Variants in ACCSL observed in about 807,000 individuals in gnomAD.
ACCSL encodes 1-aminocyclopropane-1-carboxylate synthase homolog (inactive) like, also known as probable inactive 1-aminocyclopropane-1-carboxylate synthase-like protein 2.
In ACCSL, 55 loss-of-function variants were observed where a neutral mutation model predicts 61.7. That is an observed-to-expected ratio of 0.89 (90% confidence interval 0.72 to 1.12). The LOEUF is 1.12. ACCSL is among the 50% of genes most tolerant of loss of function. The pLI is 0.00. For synonymous variants in ACCSL, 258 were observed against 264.3 expected (o/e 0.98, Z 0.23); for missense variants, 632 against 698.0 (o/e 0.91, Z 1.07).
At chr11:43,953,541 G>T in the ACCSL span, among the ~76,000 whole-genome samples, 3 of 144,780 alleles carry the variant, frequency 2.1e-5, no homozygotes, top group Admixed American at 7.1e-5. Context: ...AAAAAAAAAA[G>T]GATGAGGTAA....
the ACCSL span, among the ~76,000 whole-genome samples, chr11:43,963,003 G>A: frequency 6.6e-6 from 1 of 152,142 alleles, no homozygotes; most frequent in Non-Finnish European, 1.5e-5. Flanking sequence ...TCTTCTGATC[G>A]GGGGTATCTA....
the ACCSL span, among the ~76,000 whole-genome samples, chr11:43,958,435 C>T: frequency 6.6e-6 from 1 of 152,156 alleles, no homozygotes; most frequent in Non-Finnish European, 1.5e-5. Flanking sequence ...ATTCACTGGC[C>T]CCCTACCCAC....
At chr11:43,980,663 C>T in the ACCSL span, among the ~76,000 whole-genome samples, 7 of 152,100 alleles carry the variant, frequency 4.6e-5, no homozygotes, top group Non-Finnish European at 4.4e-5. Flanking sequence ...AATAATAATG[C>T]TTTGCTTGTC....
the ACCSL span, among the ~76,000 whole-genome samples, chr11:43,973,410 A>ATATCTATCTATC: frequency 6.7e-6 from 1 of 148,938 alleles, no homozygotes; most frequent in South Asian, 2.2e-4. Flanking sequence ...TGGTTTTGAG[A>ATATCTATCTATC]TATCTATCTA....
the ACCSL span, among the ~76,000 whole-genome samples, chr11:43,991,125 G>T: frequency 6.6e-6 from 1 of 152,124 alleles, no homozygotes. Flanking sequence ...GAGTCAGAGA[G>T]ATTCATTCAT....
Position 44,052,991 on chromosome 11 carries a change from G to A in ACCSL, c.871G>A (p.Val291Ile), listed in dbSNP as rs898417809. The change falls in exon 7 of 14, where the codon GTC (valine) becomes ATC (isoleucine). Residue 291 changes from valine (V) to isoleucine (I), a missense_variant and splice_region_variant. Coordinates refer to ENST00000378832, the MANE Select transcript of ACCSL (RefSeq NM_001031854.2). ...ELIPVHLESEVTVTNTHPFQL... is the reference protein window; with the variant it reads ...ELIPVHLESEITVTNTHPFQL... ...TTCTCACATAGTGTTTCTCTTCCAG[G>A]TCACTGTTACAAACACCCATCCTTT... 4 of 1,613,610 alleles carry A rather than the reference G, an allele frequency of 2.5e-6. No individual in the cohort carries two copies. Among genetic ancestry groups the A allele is most frequent in the Non-Finnish European group, 3.4e-6 (4 of 1,179,542 alleles).
chr11:43,930,942 A>G, the ACCSL span, among the ~76,000 whole-genome samples: 1 of 152,144 alleles, frequency 6.6e-6, no homozygotes, highest in Non-Finnish European at 1.5e-5. Context: ...AATGCTGACC[A>G]TGGCCCCCAA....
the ACCSL span, among the ~76,000 whole-genome samples, chr11:43,939,760 C>T: frequency 6.6e-6 from 1 of 152,200 alleles, no homozygotes; most frequent in Non-Finnish European, 1.5e-5. Flanking sequence ...GCACCTGCCA[C>T]CACACCTGGC....
the ACCSL span, among the ~76,000 whole-genome samples, chr11:43,947,404 C>T: frequency 2.0e-5 from 3 of 152,132 alleles, no homozygotes; most frequent in African/African-American, 4.8e-5. Context: ...TATGCAACGG[C>T]GGGGGCTCAG....
At chr11:44,032,852 G>C in the ACCSL span, among the ~76,000 whole-genome samples, 1 of 152,152 alleles carries the variant, frequency 6.6e-6, no homozygotes, top group South Asian at 2.1e-4. Context: ...AATGTGGTAT[G>C]ACTGGGAGGA....
chr11:44,033,096 G>A, the ACCSL span, among the ~76,000 whole-genome samples: 2 of 152,200 alleles, frequency 1.3e-5, no homozygotes, highest in Non-Finnish European at 2.9e-5. Context: ...AAATGGTCAG[G>A]TGGACGAACA....
chr11:44,029,072 C>T, the ACCSL span, among the ~76,000 whole-genome samples: 2 of 152,220 alleles, frequency 1.3e-5, no homozygotes, highest in Non-Finnish European at 2.9e-5. Context: ...TGATGTCCTC[C>T]TATCTGGCCC....
chr11:43,970,522 A>G, the ACCSL span, among the ~76,000 whole-genome samples: 1 of 152,320 alleles, frequency 6.6e-6, no homozygotes, highest in South Asian at 2.1e-4. Context: ...ATATTCTGAG[A>G]ACATACGTCT....
intron 9 of ACCSL, 138 bp from the exon 10 acceptor site, chr11:44,055,902 A>G: frequency 2.1e-6 from 2 of 971,204 alleles, no homozygotes; most frequent in Non-Finnish European, 3.1e-6. Context: ...CTTAACTGGG[A>G]CAACTGTTTC....
At chr11:44,051,444 G>A (rs1952638451) in intron 4 of ACCSL, 40 bp downstream of exon 4, 1 of 1,610,586 alleles carries the variant, frequency 6.2e-7, no homozygotes, top group Non-Finnish European at 8.5e-7. Flanking sequence ...CCTGGTGGAG[G>A]GCTATATTCT....
chr11:43,960,776 A>G, the ACCSL span, among the ~76,000 whole-genome samples: 1 of 152,040 alleles, frequency 6.6e-6, no homozygotes, highest in Non-Finnish European at 1.5e-5. Context: ...TTCCAAGTGG[A>G]GAAATATATT....
chr11:44,045,744 G>A (rs932558287), upstream of ACCSL, among the ~76,000 whole-genome samples: 1 of 152,162 alleles, frequency 6.6e-6, no homozygotes, highest in African/African-American at 2.4e-5. Context: ...AGAAGTCTAA[G>A]AGCCCCTAAT....
chr11:44,025,236 C>G, the ACCSL span, among the ~76,000 whole-genome samples: 1 of 152,034 alleles, frequency 6.6e-6, no homozygotes, highest in Non-Finnish European at 1.5e-5. Flanking sequence ...GTCTTTTTCT[C>G]TATGTATTCT....
chr11:43,927,532 CATTTT>C, the ACCSL span, among the ~76,000 whole-genome samples: 1 of 152,340 alleles, frequency 6.6e-6, no homozygotes, highest in South Asian at 2.1e-4. Flanking sequence ...TTTTTATCTC[CATTTT>C]ACAGTTAAAC....
Sources: allele counts gnomAD v4.1 joint callset (sites outside exome capture counted in the v4.1 genomes callset), GRCh38; gene constraint gnomAD v4.1.1; transcripts MANE v1.5; gene names NCBI Gene and HGNC (gene_info 2026-07-23, HGNC 2026-07-21).